The following WDFY4 variants were observed in gnomAD, a reference collection of about 807,000 sequenced individuals.
WDFY4 encodes the protein WD repeat- and FYVE domain-containing protein 4.
WDFY4 carries 169 observed loss-of-function variants against 351.9 expected under a neutral mutation model. The ratio of observed to expected loss-of-function variants is 0.48; its 90% CI spans 0.42 to 0.55. The LOEUF (loss-of-function observed/expected upper bound fraction) is 0.55. WDFY4 is among the 20% of genes least tolerant of loss of function. The probability of loss-of-function intolerance (pLI) is 0.00; values close to 1 mark genes in which losing one functional copy is unlikely to be tolerated. For missense variants in WDFY4, 3,803 were observed against 3,935.6 expected (o/e 0.97, Z 0.90); for synonymous variants, 1,622 against 1,574.6 (o/e 1.03, Z -0.71).
chr10:48,975,660 G>A (rs1483975282), intron 58 of WDFY4, among the ~76,000 whole-genome samples: 6 of 152,194 alleles, frequency 3.9e-5, no homozygotes, highest in Non-Finnish European at 4.4e-5. Context: ...GCTCCAGGTA[G>A]GCTTGAATTC....
Position 48,788,680 on chromosome 10 carries a change from A to G in WDFY4, c.3954+5A>G. 6.4e-7 allele frequency: 1 copy of G among 1,551,436 alleles called. No homozygotes were observed. The highest frequency in any genetic ancestry group is 8.7e-7 in the Non-Finnish European group (1 of 1,146,790). On this transcript the variant is annotated splice_donor_5th_base_variant and intron_variant, in intron 21 of 61. Transcript: ENST00000325239. ...AGCCGCCTGATCGCCAAAGAGGTAC[A>G]TCTTCTAACTTCGCTGCTAATCTCT...
At chr10:48,740,325 A>G (rs996445492) in intron 11 of WDFY4, among the ~76,000 whole-genome samples, 1 of 152,190 alleles carries the variant, frequency 6.6e-6, no homozygotes, top group Non-Finnish European at 1.5e-5. Context: ...AAACCACCAC[A>G]CACACGTCAA....
chr10:48,692,533 G>A (rs2063222784), intron 1 of WDFY4, among the ~76,000 whole-genome samples: 2 of 152,226 alleles, frequency 1.3e-5, no homozygotes, highest in Admixed American at 1.3e-4. Flanking sequence ...TTAAATGACT[G>A]TAGCATTTTA....
rs115671455 is a variant in WDFY4 at position 48,869,734 on chromosome 10, A to G, written c.6741+2392A>G. On this transcript the variant is annotated intron_variant, in intron 40 of 61. Coordinates refer to ENST00000325239, the MANE Select transcript of WDFY4 (RefSeq NM_001394531.1). ...ATCTTCATTATAATTTGCAGAAATG[A>G]CTTATCCTGCCTACACAGTCTTTAC... 2.1e-3 allele frequency among the ~76,000 whole-genome samples: 319 copies of G among 152,238 alleles called. 5 individuals are homozygous for G. Among genetic ancestry groups the G allele is most frequent in the African/African-American group, 7.0e-3 (289 of 41,540 alleles).
At chr10:48,913,333 A>T in intron 47 of WDFY4, 1 of 1,526,204 alleles carries the variant, frequency 6.6e-7, no homozygotes, top group Non-Finnish European at 8.9e-7. Flanking sequence ...GAGGTAGCCC[A>T]CTGCCCTCTT....
At chr10:48,789,808 A>T in intron 21 of WDFY4, 66 bp from the exon 22 acceptor site, 1 of 1,482,062 alleles carries the variant, frequency 6.7e-7, no homozygotes, top group East Asian at 2.5e-5. Flanking sequence ...GCCCTCCAGG[A>T]GCTCGTGGAC....
chr10:48,700,598 C>T (rs1159292377), intron 1 of WDFY4, among the ~76,000 whole-genome samples: 2 of 152,258 alleles, frequency 1.3e-5, no homozygotes, highest in Non-Finnish European at 2.9e-5. Context: ...GGAATTCTCA[C>T]TCCTGAGAAC....
At chr10:48,957,423 A>G in intron 52 of WDFY4, 141 bp downstream of exon 52, 1 of 1,101,002 alleles carries the variant, frequency 9.1e-7, no homozygotes, top group Non-Finnish European at 1.3e-6. Flanking sequence ...TCCACTGGGC[A>G]GCAGTGCCCA....
intron 39 of WDFY4, among the ~76,000 whole-genome samples, chr10:48,858,952 AT>A (rs1218753687): frequency 6.6e-6 from 1 of 152,012 alleles, no homozygotes; most frequent in Non-Finnish European, 1.5e-5. Flanking sequence ...GTTTTTCATT[AT>A]TTTCAAGAAA....
chr10:48,906,756 A>G (rs1837636755), intron 47 of WDFY4, among the ~76,000 whole-genome samples: 1 of 152,262 alleles, frequency 6.6e-6, no homozygotes, highest in African/African-American at 2.4e-5. Context: ...GACAGCTTCA[A>G]AATTAAACAC....
chr10:48,820,876 G>A (rs531256671), intron 33 of WDFY4, among the ~76,000 whole-genome samples, 186 bp from the exon 34 acceptor site: 3 of 152,156 alleles, frequency 2.0e-5, no homozygotes, highest in African/African-American at 2.4e-5. Context: ...CTCGGAAGTG[G>A]GCGTTGCTTC....
chr10:48,807,927 A>G lies in WDFY4; in HGVS notation c.4807A>G (p.Ile1603Val). 3 of 1,549,860 alleles carry G rather than the reference A, an allele frequency of 1.9e-6. No individual in the cohort carries two copies. Among genetic ancestry groups the G allele is most frequent in the African/African-American group, 2.7e-5 (2 of 73,034 alleles). The part of the protein sequence containing the change: ...NQLLEMLLSV[I>V]SSPQLHLSSE... ...GTTGCTGGAGATGCTGCTCAGTGTA[A>G]TATCTTCCCCCCAGCTTCATCTGTC... The change falls in exon 28 of 62, where the codon ATA becomes GTA. Residue 1603 changes from isoleucine (I) to valine (V), a missense_variant. Ile to Val is a conservative substitution (Grantham distance 29). This residue lies in a region of WDFY4 where 3,054 missense variants were observed against 3,148.6 expected (regional missense o/e 0.97). Transcript: ENST00000325239.
At chr10:48,715,685 G>T (rs2063884707) in intron 2 of WDFY4, among the ~76,000 whole-genome samples, 1 of 152,026 alleles carries the variant, frequency 6.6e-6, no homozygotes, top group Admixed American at 6.5e-5. Flanking sequence ...GAGTGCAGTG[G>T]CCCGATCTCG....
chr10:48,703,055 C>A lies in WDFY4; in HGVS notation c.-17-6661C>A, dbSNP rs79498203. Among the ~76,000 whole-genome samples the A allele has an allele frequency of 5.1e-3, 780 of 152,348 alleles. 8 individuals are homozygous for A. The highest frequency in any genetic ancestry group is 0.018 in the African/African-American group (738 of 41,564). Reference sequence around the variant, plus strand: ...TTCATAGTACATCACCTCTGTCTCTCTCCTCTTTTTAATTTGGTTTTAGAT... The same window carrying A: ...TTCATAGTACATCACCTCTGTCTCTATCCTCTTTTTAATTTGGTTTTAGAT... On this transcript the variant is annotated intron_variant, in intron 1 of 61. Coordinates refer to ENST00000325239, the MANE Select transcript of WDFY4 (RefSeq NM_001394531.1).
Position 48,743,335 on chromosome 10 carries a change from C to T in WDFY4, c.2246C>T (p.Ala749Val). The T allele has an allele frequency of 3.9e-6, 6 of 1,551,622 alleles. No homozygotes were observed. The highest frequency in any genetic ancestry group is 4.4e-6 in the Non-Finnish European group (5 of 1,146,956). The change falls in exon 12 of 62, where the codon GCC becomes GTC. Residue 749 changes from alanine (A) to valine (V), a missense_variant. This residue lies in a region of WDFY4 where 3,054 missense variants were observed against 3,148.6 expected (regional missense o/e 0.97). Transcript: ENST00000325239. ...CCATTTGCAGATTTGCTGGGCACTG[C>T]CTTTTCCTCCAGCGGCTCACTCCCA... ...ARPFADLLGTAFSSSGSLPPR... is the reference protein window; with the variant it reads ...ARPFADLLGTVFSSSGSLPPR...
At chr10:48,901,628 C>T (rs1438642583) in intron 46 of WDFY4, among the ~76,000 whole-genome samples, 173 bp from the exon 47 acceptor site, 1 of 152,228 alleles carries the variant, frequency 6.6e-6, no homozygotes, top group East Asian at 1.9e-4. Context: ...CCAGAGAGTG[C>T]TGAGGGTTGC....
At chr10:48,910,266 T>G in intron 47 of WDFY4, 1 of 1,613,344 alleles carries the variant, frequency 6.2e-7, no homozygotes, top group Middle Eastern at 1.7e-4. Context: ...ATTCTGGGGA[T>G]GGAGACACAA....
intron 39 of WDFY4, among the ~76,000 whole-genome samples, chr10:48,848,622 G>T (rs1296798220): frequency 1.3e-5 from 2 of 152,150 alleles, no homozygotes; most frequent in Admixed American, 6.5e-5. Flanking sequence ...AGGAAGGTCT[G>T]TGAGGTTCTT....
At chr10:48,701,078 T>G (rs1412957139) in intron 1 of WDFY4, among the ~76,000 whole-genome samples, 1 of 152,170 alleles carries the variant, frequency 6.6e-6, no homozygotes, top group Non-Finnish European at 1.5e-5. Flanking sequence ...AAACGCTACC[T>G]CCCCATGCAC....
Sources: gnomAD v4.1 joint callset for allele counts (sites outside exome capture counted in the v4.1 genomes callset) on GRCh38, gnomAD v4.1.1 for gene constraint, gnomAD v4.1.1 regional missense constraint, MANE v1.5 for transcripts, NCBI Gene and HGNC (gene_info 2026-07-23, HGNC 2026-07-21) for gene names.